The following FSHR variants were observed in gnomAD, a reference collection of about 807,000 sequenced individuals.
The protein encoded by FSHR is follicle-stimulating hormone receptor.
Under a neutral mutation model 52.1 loss-of-function variants are expected in FSHR, and 46 were observed. That is an observed-to-expected ratio of 0.88 (90% CI 0.70 to 1.13). The LOEUF (loss-of-function observed/expected upper bound fraction) is 1.13. FSHR is among the 50% of genes most tolerant of loss of function. The probability of loss-of-function intolerance (pLI) is 0.00; values close to 1 mark genes in which losing one functional copy is unlikely to be tolerated. For missense variants in FSHR, 964 were observed against 834.6 expected (o/e 1.16, Z -1.91); for synonymous variants, 399 against 309.6 (o/e 1.29, Z -3.03).
At chr2:48,985,215 A>T (rs573972727) in intron 6 of FSHR, among the ~76,000 whole-genome samples, 3 of 152,290 alleles carry the variant, frequency 2.0e-5, no homozygotes, top group African/African-American at 7.2e-5. Flanking sequence ...GTCCTTGGGG[A>T]TGAGGCCAGT....
intron 3 of FSHR, 148 bp from the exon 4 acceptor site, chr2:49,017,711 C>G: frequency 1.4e-6 from 1 of 704,690 alleles, no homozygotes; most frequent in Non-Finnish European, 2.6e-6. Flanking sequence ...TCCATCATTT[C>G]AATAAATATT....
At chr2:49,082,953 G>T (rs375872879) in intron 1 of FSHR, among the ~76,000 whole-genome samples, 8 of 151,346 alleles carry the variant, frequency 5.3e-5, no homozygotes, top group South Asian at 4.2e-4. Context: ...TTCCCCAATC[G>T]AGCAAGGCAG....
chr2:49,100,598 T>C (rs1218443949), intron 1 of FSHR, among the ~76,000 whole-genome samples: 1 of 152,148 alleles, frequency 6.6e-6, no homozygotes, highest in African/African-American at 2.4e-5. Flanking sequence ...GCAGCACCCA[T>C]CCTGTGGTCG....
chr2:49,083,718 C>G (rs1253596753), intron 1 of FSHR, among the ~76,000 whole-genome samples: 4 of 149,622 alleles, frequency 2.7e-5, no homozygotes, highest in Admixed American at 6.7e-5. Context: ...AAACAGACTT[C>G]AAACCAACAA....
intron 1 of FSHR, among the ~76,000 whole-genome samples, chr2:49,077,808 C>T (rs1382282253): frequency 6.6e-6 from 1 of 152,146 alleles, no homozygotes; most frequent in Non-Finnish European, 1.5e-5. Flanking sequence ...TGCCACCAGT[C>T]TTTTTGCTAA....
chr2:49,107,791 C>T (rs1671283656), intron 1 of FSHR, among the ~76,000 whole-genome samples: 1 of 152,142 alleles, frequency 6.6e-6, no homozygotes, highest in Admixed American at 6.5e-5. Flanking sequence ...TTCACAAATT[C>T]ACACAATTTC....
Position 48,962,177 on chromosome 2 carries a change from T to A in FSHR, c.*556A>T, listed in dbSNP as rs974883923. ...ACTGGAAACACATGAGGAAGGGAAA[T>A]CTGGGAAATGTATTTCAGCCTATCC... On this transcript the variant is annotated 3_prime_UTR_variant, in exon 10 of 10. Transcript: ENST00000406846. 1.2e-5 allele frequency: 2 copies of A among 168,262 alleles called. No individual in the cohort carries two copies. Among genetic ancestry groups the A allele is most frequent in the Admixed American group, 5.6e-5 (1 of 17,778 alleles). The allele number at this position is 168,262 out of a possible 1,614,324, so 10.4% of individuals were successfully genotyped here.
intron 2 of FSHR, among the ~76,000 whole-genome samples, chr2:49,064,025 G>A (rs1418651557): frequency 6.6e-6 from 1 of 151,356 alleles, no homozygotes; most frequent in Admixed American, 6.6e-5. Flanking sequence ...AAAAAACTGT[G>A]GAACAAGAAC....
chr2:49,139,371 T>C (rs1672594616), intron 1 of FSHR, among the ~76,000 whole-genome samples: 1 of 152,136 alleles, frequency 6.6e-6, no homozygotes, highest in South Asian at 2.1e-4. Context: ...AGAATACTTA[T>C]GAGTTATACA....
At chr2:49,146,196 A>G (rs1050672200) in intron 1 of FSHR, among the ~76,000 whole-genome samples, 3 of 152,066 alleles carry the variant, frequency 2.0e-5, no homozygotes, top group Non-Finnish European at 4.4e-5. Flanking sequence ...CTATTGTGAG[A>G]AGACGAGGAA....
At chr2:49,108,281 C>T (rs985116441) in intron 1 of FSHR, among the ~76,000 whole-genome samples, 1 of 152,132 alleles carries the variant, frequency 6.6e-6, no homozygotes. Context: ...GGGTCTCCAG[C>T]TGGCAGATTG....
intron 1 of FSHR, among the ~76,000 whole-genome samples, chr2:49,102,377 T>C (rs1202212075): frequency 1.3e-5 from 2 of 152,036 alleles, no homozygotes; most frequent in African/African-American, 4.8e-5. Flanking sequence ...GGAGTCTAAA[T>C]CTATAAAAGG....
chr2:48,986,277 C>A (rs1675511214), intron 6 of FSHR, among the ~76,000 whole-genome samples: 1 of 152,090 alleles, frequency 6.6e-6, no homozygotes, highest in African/African-American at 2.4e-5. Context: ...CCAGCTCTAT[C>A]CATGTTGCTG....
intron 8 of FSHR, among the ~76,000 whole-genome samples, chr2:48,976,496 C>G (rs185511611): frequency 6.6e-6 from 1 of 152,164 alleles, no homozygotes; most frequent in Non-Finnish European, 1.5e-5. Context: ...TGCTGCCTCA[C>G]AAAATGAGTT....
chr2:49,082,438 A>C (rs370648759), intron 1 of FSHR, among the ~76,000 whole-genome samples: 18 of 151,216 alleles, frequency 1.2e-4, no homozygotes, highest in Middle Eastern at 3.4e-3. Flanking sequence ...AAGCAGAGCG[A>C]CTCTCCTCCT....
Position 49,009,134 on chromosome 2 carries a change from T to G in FSHR, c.374+8355A>C, listed in dbSNP as rs1329149224. Among the ~76,000 whole-genome samples, 4 of 151,914 alleles carry G rather than the reference T, an allele frequency of 2.6e-5. No homozygotes were observed. In the South Asian group the frequency reaches 8.3e-4, roughly 32 times the overall value. ...ATGTCCTGAATGGTAATGCCAAGTT[T>G]TCTTCTAGGGTTTTTATGGTTTTAG... On this transcript the variant is annotated intron_variant, in intron 4 of 9. Transcript: ENST00000406846.
chr2:49,131,392 G>A (rs1019612133), intron 1 of FSHR, among the ~76,000 whole-genome samples: 18 of 152,242 alleles, frequency 1.2e-4, no homozygotes, highest in African/African-American at 3.9e-4. Context: ...GACCCTCTAA[G>A]CATAGTGTGA....
At chr2:49,077,841 T>A (rs2174279) in intron 1 of FSHR, among the ~76,000 whole-genome samples, 25,764 of 152,196 alleles carry the variant, frequency 0.17, 2,755 homozygotes, top group East Asian at 0.29. Flanking sequence ...GTCACCTTTG[T>A]TCCAGTTACC....
chr2:49,065,215 G>C (rs1398277117), intron 2 of FSHR, among the ~76,000 whole-genome samples: 1 of 152,118 alleles, frequency 6.6e-6, no homozygotes, highest in South Asian at 2.1e-4. Flanking sequence ...TATGACTTAA[G>C]TCTGCAGCGA....
Sources: gnomAD v4.1 joint callset for allele counts (sites outside exome capture counted in the v4.1 genomes callset) on GRCh38, gnomAD v4.1.1 for gene constraint, MANE v1.5 for transcripts, NCBI Gene and HGNC (gene_info 2026-07-23, HGNC 2026-07-21) for gene names.